CEP112: variants seen among roughly 807,000 people sequenced by gnomAD.
The protein encoded by CEP112 is centrosomal protein of 112 kDa.
In CEP112, 127 loss-of-function variants were observed where a neutral mutation model predicts 153.0. The observed-to-expected ratio is 0.83, with a 90% CI of 0.72 to 0.96. The LOEUF (loss-of-function observed/expected upper bound fraction) is 0.96. Among genes scored for constraint, CEP112 ranks in the 40% least tolerant of loss-of-function variants. The pLI is 0.00. For synonymous variants in CEP112, 358 were observed against 374.4 expected, an observed-to-expected ratio of 0.96 and a Z score of 0.51; for missense variants, 1,089 against 1,101.2, an observed-to-expected ratio of 0.99 and a Z score of 0.16.
intron 23 of CEP112, among the ~76,000 whole-genome samples, chr17:65,713,527 G>C (rs12950908): frequency 0.21 from 31,255 of 152,040 alleles, 4,144 homozygotes; most frequent in Middle Eastern, 0.38. Context: ...ATAATAGTTC[G>C]TTTCAATCCC....
At position 65,756,576 on chromosome 17, in the gene CEP112, G is replaced by GTGAT. The variant is rs200652699; in HGVS notation, c.2395-5856_2395-5853dup. Among the ~76,000 whole-genome samples the GTGAT allele has an allele frequency of 5.7e-4, 87 of 152,208 alleles. No individual in the cohort carries two copies. In the East Asian group the frequency reaches 0.013, roughly 23 times the overall value. On this transcript the variant is annotated intron_variant, in intron 21 of 26. Transcript: ENST00000535342. ...TAGTTTGGCAACATGGAGGTCACTG[G>GTGAT]TGATAAGGATAAAAGAAATTTTGTT... is the stretch of plus-strand genomic sequence containing the variant.
At chr17:66,108,517 TAACATTAC>T (rs968929025) in intron 6 of CEP112, among the ~76,000 whole-genome samples, 77 of 152,272 alleles carry the variant, frequency 5.1e-4, no homozygotes, top group African/African-American at 1.7e-3. Context: ...ACAAGATGTT[TAACATTAC>T]TGATCATCAG....
At chr17:65,904,134 T>C (rs2059980460) in intron 19 of CEP112, among the ~76,000 whole-genome samples, 1 of 152,186 alleles carries the variant, frequency 6.6e-6, no homozygotes, top group Non-Finnish European at 1.5e-5. Context: ...ATAAAGGGTA[T>C]TCAAATAGAA....
chr17:65,956,109 T>C (rs540172789), intron 18 of CEP112, among the ~76,000 whole-genome samples: 20 of 152,030 alleles, frequency 1.3e-4, no homozygotes, highest in African/African-American at 4.8e-4. Flanking sequence ...ACAAAACGAG[T>C]CTCAGTAAAT....
chr17:65,752,177 T>G (rs370551499), intron 21 of CEP112, among the ~76,000 whole-genome samples: 16 of 152,292 alleles, frequency 1.1e-4, no homozygotes, highest in South Asian at 4.1e-4. Flanking sequence ...TACTTTCACC[T>G]GTCTGTTTTG....
chr17:65,760,372 T>G (rs2052540301), intron 21 of CEP112, among the ~76,000 whole-genome samples: 1 of 152,184 alleles, frequency 6.6e-6, no homozygotes, highest in African/African-American at 2.4e-5. Flanking sequence ...TTTCTCACCA[T>G]GAAGTTCAAT....
chr17:65,996,041 CA>C (rs1393239026), intron 17 of CEP112, among the ~76,000 whole-genome samples: 1 of 151,966 alleles, frequency 6.6e-6, no homozygotes, highest in African/African-American at 2.4e-5. Flanking sequence ...TCTTTATCAG[CA>C]GCATGAAAAC....
intron 4 of CEP112, among the ~76,000 whole-genome samples, chr17:66,145,707 GTCT>G (rs1159120576): frequency 6.6e-6 from 1 of 151,994 alleles, no homozygotes; most frequent in Non-Finnish European, 1.5e-5. Context: ...CAATACTACT[GTCT>G]TCATTACTAC....
intron 4 of CEP112, among the ~76,000 whole-genome samples, chr17:66,164,241 C>T (rs1425744084): frequency 6.6e-6 from 1 of 152,142 alleles, no homozygotes; most frequent in East Asian, 1.9e-4. Flanking sequence ...CAGCAAGTGT[C>T]CATTGTATAA....
intron 21 of CEP112, among the ~76,000 whole-genome samples, chr17:65,752,719 T>G (rs941068302): frequency 6.6e-6 from 1 of 152,200 alleles, no homozygotes; most frequent in Admixed American, 6.5e-5. Flanking sequence ...ACAGGAAAGA[T>G]CTTGCTGCTT....
At chr17:66,043,058 G>A (rs568210033) in intron 12 of CEP112, 1 of 975,756 alleles carries the variant, frequency 1.0e-6, no homozygotes, top group South Asian at 4.7e-5. Context: ...GATGTCTAAG[G>A]CTTTTGGCAC....
At chr17:65,934,133 G>C (rs576302413) in intron 18 of CEP112, among the ~76,000 whole-genome samples, 28 of 152,212 alleles carry the variant, frequency 1.8e-4, no homozygotes, top group African/African-American at 6.7e-4. Context: ...AGGTTGCAAT[G>C]AGCTGAGATT....
At chr17:65,908,490 G>A (rs376202270) in intron 19 of CEP112, among the ~76,000 whole-genome samples, 2 of 152,188 alleles carry the variant, frequency 1.3e-5, no homozygotes, top group African/African-American at 4.8e-5. Flanking sequence ...GAGGTCAGGA[G>A]TTCAAGACCA....
intron 8 of CEP112, among the ~76,000 whole-genome samples, chr17:66,087,610 C>T (rs560899289): frequency 6.6e-6 from 1 of 152,214 alleles, no homozygotes; most frequent in South Asian, 2.1e-4. Context: ...AGCCCTCGTC[C>T]CTCCACAGAA....
intron 20 of CEP112, among the ~76,000 whole-genome samples, chr17:65,880,575 T>C (rs567002183): frequency 7.9e-5 from 12 of 152,216 alleles, no homozygotes; most frequent in Non-Finnish European, 1.8e-4. Context: ...CCTTTCTAAG[T>C]TAGGCTCATG....
chr17:65,874,762 C>A (rs2058769141), intron 20 of CEP112, among the ~76,000 whole-genome samples: 1 of 152,052 alleles, frequency 6.6e-6, no homozygotes, highest in Admixed American at 6.5e-5. Context: ...CCTAATCCTT[C>A]TATTAGATTT....
At chr17:66,173,237 G>A (rs919546386) in intron 4 of CEP112, among the ~76,000 whole-genome samples, 3 of 152,130 alleles carry the variant, frequency 2.0e-5, no homozygotes, top group African/African-American at 7.2e-5. Flanking sequence ...GAATTAGAAG[G>A]AAATCATGAA....
rs138052430 is a variant in CEP112, at chr17:65,966,173, A to G, written c.1737-4575T>C. ...TAGCTCTGATTTATTCATAAAGTGC[A>G]GTAAATTTTCCTCATCTGAGTATAT... On this transcript the variant is annotated intron_variant, in intron 17 of 26. Transcript: ENST00000535342. Among the ~76,000 whole-genome samples the G allele has an allele frequency of 2.6e-3, 400 of 152,356 alleles. 6 individuals carry two copies. The highest frequency in any genetic ancestry group is 9.3e-3 in the African/African-American group (386 of 41,598).
At chr17:65,644,193 T>C (rs1293480949) in intron 24 of CEP112, 18 of 740,852 alleles carry the variant, frequency 2.4e-5, no homozygotes, top group Middle Eastern at 3.4e-4. Context: ...TATGGTTGCG[T>C]TGGGGACCAG....
Sources: gnomAD v4.1 joint callset for allele counts (sites outside exome capture counted in the v4.1 genomes callset) on GRCh38, gnomAD v4.1.1 for gene constraint, MANE v1.5 for transcripts, NCBI Gene and HGNC (gene_info 2026-07-23, HGNC 2026-07-21) for gene names.